The following ARHGEF7 variants were observed in gnomAD, a reference collection of about 807,000 sequenced individuals.
ARHGEF7 encodes Rho guanine nucleotide exchange factor 7.
A neutral mutation model predicts 109.8 loss-of-function variants in ARHGEF7; 33 were observed. That is an observed-to-expected ratio of 0.30 (90% CI 0.23 to 0.40). ARHGEF7 has a LOEUF of 0.40. ARHGEF7 is among the 10% of genes least tolerant of loss of function. The pLI, the probability that ARHGEF7 is intolerant of heterozygous loss-of-function variation, is 1.00. For missense variants in ARHGEF7, 938 were observed against 1,098.5 expected (o/e 0.85, Z 2.07); for synonymous variants, 458 against 424.6 (o/e 1.08, Z -0.97).
intron 4 of ARHGEF7, among the ~76,000 whole-genome samples, chr13:111,211,011 A>C (rs1008064318): frequency 2.0e-5 from 3 of 152,232 alleles, no homozygotes; most frequent in Admixed American, 1.3e-4. Context: ...AAGATATGCG[A>C]GGAATGTGAT....
chr13:111,290,562 G>A (rs1024367907), intron 18 of ARHGEF7, among the ~76,000 whole-genome samples: 2 of 147,126 alleles, frequency 1.4e-5, no homozygotes, highest in Admixed American at 6.6e-5. Flanking sequence ...CTTTGTATGT[G>A]TCATAGTGCC....
At chr13:111,245,524 A>G (rs1366619796) in intron 8 of ARHGEF7, among the ~76,000 whole-genome samples, 3 of 152,184 alleles carry the variant, frequency 2.0e-5, no homozygotes, top group Non-Finnish European at 4.4e-5. Flanking sequence ...AGAACAGTCA[A>G]CGTTGAGTTC....
At chr13:111,125,212 G>A (rs1326081465) in intron 1 of ARHGEF7, among the ~76,000 whole-genome samples, 3 of 152,166 alleles carry the variant, frequency 2.0e-5, no homozygotes, top group Non-Finnish European at 4.4e-5. Context: ...AAGAGAGAGA[G>A]TGAGAATATA....
At chr13:111,283,949 A>G (rs1208271341) in intron 16 of ARHGEF7, among the ~76,000 whole-genome samples, 1 of 152,168 alleles carries the variant, frequency 6.6e-6, no homozygotes, top group Non-Finnish European at 1.5e-5. Context: ...TACGATTCCA[A>G]TGAATAAATA....
chr13:111,189,652 G>A (rs537403518), intron 2 of ARHGEF7, among the ~76,000 whole-genome samples: 3 of 152,118 alleles, frequency 2.0e-5, no homozygotes, highest in South Asian at 2.1e-4. Flanking sequence ...CTGCTGGCTC[G>A]GGTGGCCAGC....
At chr13:111,156,379 A>G (rs752906633) in intron 2 of ARHGEF7, among the ~76,000 whole-genome samples, 8 of 152,242 alleles carry the variant, frequency 5.3e-5, no homozygotes, top group Non-Finnish European at 8.8e-5. Context: ...TGCTATTTTT[A>G]AAGAGTAAAT....
At chr13:111,242,586 G>C (rs1275469164) in intron 6 of ARHGEF7, among the ~76,000 whole-genome samples, 1 of 152,164 alleles carries the variant, frequency 6.6e-6, no homozygotes, top group Non-Finnish European at 1.5e-5. Context: ...GATTTAAAAA[G>C]CACTAGCTCT....
chr13:111,278,191 T>A (rs1324323730), intron 13 of ARHGEF7, among the ~76,000 whole-genome samples: 1 of 152,202 alleles, frequency 6.6e-6, no homozygotes, highest in Admixed American at 6.5e-5. Context: ...TGACAGCAGA[T>A]TTGGGAAGGA....
At chr13:111,211,339 C>T (rs1566834762) in intron 4 of ARHGEF7, among the ~76,000 whole-genome samples, 1 of 152,128 alleles carries the variant, frequency 6.6e-6, no homozygotes, top group Admixed American at 6.5e-5. Flanking sequence ...GAAATCAGCT[C>T]GCCTTGGGTA....
chr13:111,212,462 T>C (rs1316450801), intron 4 of ARHGEF7, among the ~76,000 whole-genome samples: 2 of 152,244 alleles, frequency 1.3e-5, no homozygotes, highest in Admixed American at 1.3e-4. Flanking sequence ...TCCTGGTGAC[T>C]GCTGTGCTTT....
chr13:111,249,554 G>A (rs1014282389), intron 8 of ARHGEF7, among the ~76,000 whole-genome samples: 6 of 152,088 alleles, frequency 3.9e-5, no homozygotes, highest in African/African-American at 1.4e-4. Flanking sequence ...AGGGGGAGTA[G>A]AGGAAAGTCA....
intron 8 of ARHGEF7, among the ~76,000 whole-genome samples, chr13:111,246,765 T>C (rs2088924681): frequency 6.6e-6 from 1 of 152,260 alleles, no homozygotes; most frequent in African/African-American, 2.4e-5. Flanking sequence ...GAGTTCATAT[T>C]GTGCTCAAGA....
intron 2 of ARHGEF7, among the ~76,000 whole-genome samples, chr13:111,189,126 G>C (rs1009131634): frequency 2.6e-5 from 4 of 152,222 alleles, no homozygotes; most frequent in Non-Finnish European, 4.4e-5. Context: ...AGGTTGGCTG[G>C]AACACCTGAA....
intron 1 of ARHGEF7, chr13:111,116,224 C>A (rs1319323967): frequency 2.6e-5 from 4 of 152,694 alleles, no homozygotes; most frequent in Non-Finnish European, 5.9e-5. Context: ...ACTTTCCCCT[C>A]GAGAAAATTC....
At chr13:111,221,531 A>ATG (rs1269276039) in intron 5 of ARHGEF7, among the ~76,000 whole-genome samples, 1 of 31,912 alleles carries the variant, frequency 3.1e-5, no homozygotes, top group Admixed American at 4.4e-4. Flanking sequence ...ATCTATATAT[A>ATG]TCTATATATA....
chr13:111,299,546 G>A (rs1382191910), intron 19 of ARHGEF7, among the ~76,000 whole-genome samples: 1 of 151,998 alleles, frequency 6.6e-6, no homozygotes, highest in Non-Finnish European at 1.5e-5. Context: ...GTTTCACCAT[G>A]TTAACCAGGT....
rs559782941 is a variant in ARHGEF7, at chr13:111,206,733, G to A, written c.337+1360G>A. Among the ~76,000 whole-genome samples the A allele has an allele frequency of 2.2e-4, 33 of 151,984 alleles. No homozygotes were observed. The East Asian group carries it at 3.1e-3, about 14-fold the overall frequency. On this transcript the variant is annotated intron_variant, in intron 3 of 21. Transcript: ENST00000646102. ...TCCCAGCACTTTGGGAGGCCGAGGC[G>A]GGCGGATCACGAGGTCAGGAGATCG...
chr13:111,270,453 G>T (rs1298905702), intron 9 of ARHGEF7, among the ~76,000 whole-genome samples: 1 of 151,882 alleles, frequency 6.6e-6, no homozygotes, highest in Non-Finnish European at 1.5e-5. Context: ...AAACTAAAAC[G>T]ATGATCCACA....
intron 1 of ARHGEF7, among the ~76,000 whole-genome samples, chr13:111,146,103 A>G (rs1379352950): frequency 6.6e-6 from 1 of 152,170 alleles, no homozygotes; most frequent in East Asian, 1.9e-4. Context: ...TGTGGACAGA[A>G]CCACATGCAT....
Sources: allele counts gnomAD v4.1 joint callset (sites outside exome capture counted in the v4.1 genomes callset), GRCh38; gene constraint gnomAD v4.1.1; transcripts MANE v1.5; gene names NCBI Gene and HGNC (gene_info 2026-07-23, HGNC 2026-07-21).